The following KIF1B variants were observed in gnomAD, a reference collection of about 807,000 sequenced individuals.
The protein encoded by KIF1B is kinesin family member 1B, also known as kinesin-like protein KIF1B.
A neutral mutation model predicts 241.9 loss-of-function variants in KIF1B; 76 were observed. That is an observed-to-expected ratio of 0.31 (90% CI 0.26 to 0.38). The LOEUF is 0.38. Among genes scored for constraint, KIF1B ranks in the 10% least tolerant of loss-of-function variants. KIF1B has a pLI of 1.00. For missense variants in KIF1B, 1,622 were observed against 2,271.4 expected, an observed-to-expected ratio of 0.71 and a Z score of 5.81; for synonymous variants, 750 against 796.7, an observed-to-expected ratio of 0.94 and a Z score of 0.99.
chr1:10,303,026 TG>T lies in KIF1B; in HGVS notation c.2115+5781del. On this transcript the variant is annotated intron_variant, in intron 22 of 48. Coordinates refer to ENST00000676179, the MANE Select transcript of KIF1B (RefSeq NM_001365951.3). The surrounding 1 kb of genome is among the most constrained non-coding windows in gnomAD (Gnocchi z 5.2). ...TGAGGGGTTTTTTTTGGTTTTGTTT[TG>T]TTTTTTAGTTTTTTTGGTCTTATTT... 1 of 1,038,618 alleles carries T rather than the reference TG, an allele frequency of 9.6e-7. No individual in the cohort carries two copies. Among genetic ancestry groups the T allele is most frequent in the African/African-American group, 1.6e-5 (1 of 61,722 alleles). The allele number at this position is 1,038,618 out of a possible 1,614,324, so 64.3% of individuals were successfully genotyped here.
intron 26 of KIF1B, among the ~76,000 whole-genome samples, chr1:10,325,279 T>A (rs899704000): frequency 1.3e-4 from 20 of 152,204 alleles, no homozygotes; most frequent in Non-Finnish European, 2.4e-4. Flanking sequence ...TTCTTTTTTT[T>A]AAAAAGCAAT....
chr1:10,304,584 T>C, intron 22 of KIF1B: 1 of 1,614,022 alleles, frequency 6.2e-7, no homozygotes, highest in Non-Finnish European at 8.5e-7. Flanking sequence ...TTGTGACACC[T>C]CCGCGGATGA....
chr1:10,357,746 C>T (rs927435059), intron 38 of KIF1B, among the ~76,000 whole-genome samples: 2 of 151,730 alleles, frequency 1.3e-5, no homozygotes, highest in African/African-American at 4.8e-5. Context: ...CAGTGGCTCA[C>T]ACCTGTAATC....
At chr1:10,251,588 G>T (rs1647449593) in intron 2 of KIF1B, among the ~76,000 whole-genome samples, 1 of 151,924 alleles carries the variant, frequency 6.6e-6, no homozygotes, top group Non-Finnish European at 1.5e-5. Context: ...TACAAAATTA[G>T]CCAGGTGTGG....
At chr1:10,224,687 G>C (rs757605936) in intron 1 of KIF1B, among the ~76,000 whole-genome samples, 2 of 152,182 alleles carry the variant, frequency 1.3e-5, no homozygotes, top group African/African-American at 2.4e-5. Context: ...GCCTCCCAAA[G>C]TGTTGGGATT....
rs184149871 is a variant in KIF1B, at chr1:10,318,831, T to A, written c.2116-1212T>A. Among the ~76,000 whole-genome samples, 337 of 152,318 alleles carry A rather than the reference T, an allele frequency of 2.2e-3. 1 individual carries two copies. Among genetic ancestry groups the A allele is most frequent in the Middle Eastern group, 6.8e-3 (2 of 294 alleles). ...TTTCTTAACCCTACTTATTTTATTT[T>A]CACTAAAATTCAAGTTTTTCAAATT... On this transcript the variant is annotated intron_variant, in intron 22 of 48. Transcript: ENST00000676179.
At chr1:10,219,329 G>A (rs1646809878) in intron 1 of KIF1B, among the ~76,000 whole-genome samples, 1 of 151,984 alleles carries the variant, frequency 6.6e-6, no homozygotes, top group Admixed American at 6.6e-5. Context: ...GCATGGTGGT[G>A]CATGCCTGTA....
chr1:10,288,989 T>A (rs1447276061), intron 15 of KIF1B, among the ~76,000 whole-genome samples: 1 of 152,224 alleles, frequency 6.6e-6, no homozygotes, highest in Non-Finnish European at 1.5e-5. Flanking sequence ...ACAGGCTTCG[T>A]TAGTAACCTG....
chr1:10,378,393 C>T lies in KIF1B; in HGVS notation c.*1806C>T, dbSNP rs1214946077. The T allele has an allele frequency of 2.8e-6, 2 of 718,026 alleles. No homozygotes were observed. The highest frequency in any genetic ancestry group is 2.0e-5 in the Admixed American group (1 of 50,026). The allele number at this position is 718,026 out of a possible 1,614,324, so 44.5% of individuals were successfully genotyped here. ...GAGAAGATAAGTCTGTCTCTTTCAG[C>T]TGCCAGTAAGTTTTCCAGGATGAGA... is the stretch of plus-strand genomic sequence containing the variant. On this transcript the variant is annotated 3_prime_UTR_variant, in exon 49 of 49. Transcript: ENST00000676179.
chr1:10,363,468 G>A (rs1267213917), intron 41 of KIF1B, 124 bp downstream of exon 41: 3 of 781,226 alleles, frequency 3.8e-6, no homozygotes, highest in Non-Finnish European at 6.8e-6. Context: ...AAGGCGGGTG[G>A]ATCACCTGAG....
At chr1:10,235,539 T>C (rs1371870607) in intron 2 of KIF1B, among the ~76,000 whole-genome samples, 1 of 152,166 alleles carries the variant, frequency 6.6e-6, no homozygotes, top group African/African-American at 2.4e-5. Flanking sequence ...GGGCATGAGC[T>C]GCTGCACCCA....
At chr1:10,347,991 T>G (rs562802230) in intron 36 of KIF1B, among the ~76,000 whole-genome samples, 164 bp downstream of exon 36, 3 of 152,152 alleles carry the variant, frequency 2.0e-5, no homozygotes, top group Admixed American at 6.5e-5. Context: ...TCTGTAGATA[T>G]TTCTTCCTCA....
At position 10,365,860 on chromosome 1, in the gene KIF1B, G is replaced by A. The variant is rs970342849; in HGVS notation, c.4752+212G>A. On this transcript the variant is annotated intron_variant, in intron 43 of 48. Coordinates refer to ENST00000676179, the MANE Select transcript of KIF1B (RefSeq NM_001365951.3). This position sits in a 1 kb window ranked among gnomAD's most constrained non-coding sequence, Gnocchi z 4.0. ...GCCTATTATCCCACCACTTTGGGAG[G>A]CTGAAGCAAAGGGATTGCTTGAGCC... is the stretch of plus-strand genomic sequence containing the variant. Among the ~76,000 whole-genome samples the A allele has an allele frequency of 6.6e-6, 1 of 152,222 alleles. No individual in the cohort carries two copies. Among genetic ancestry groups the A allele is most frequent in the Non-Finnish European group, 1.5e-5 (1 of 68,036 alleles).
intron 7 of KIF1B, among the ~76,000 whole-genome samples, chr1:10,270,081 G>A (rs1648705842): frequency 1.3e-5 from 2 of 151,964 alleles, no homozygotes; most frequent in Admixed American, 1.3e-4. Flanking sequence ...TGTTATTGAG[G>A]TATTATTGAA....
At chr1:10,338,503 G>T (rs919592532) in intron 31 of KIF1B, among the ~76,000 whole-genome samples, 3 of 152,232 alleles carry the variant, frequency 2.0e-5, no homozygotes. Context: ...GGGCAGGATA[G>T]TGTTCACCAG....
At chr1:10,325,961 T>C in intron 26 of KIF1B, 150 bp from the exon 27 acceptor site, 1 of 1,069,046 alleles carries the variant, frequency 9.4e-7, no homozygotes, top group Non-Finnish European at 1.4e-6. Flanking sequence ...CCCAAATGAT[T>C]TATGCTTATT....
At chr1:10,265,248 A>ATTTATTTT (rs1557675149) in intron 5 of KIF1B, among the ~76,000 whole-genome samples, 2 of 116,330 alleles carry the variant, frequency 1.7e-5, no homozygotes, top group Non-Finnish European at 3.6e-5. Flanking sequence ...TTATTTATTT[A>ATTTATTTT]TTTTTAGAGA....
rs752067538 is a variant in KIF1B, at chr1:10,365,062, T to A, written c.4367-38T>A. On this transcript the variant is annotated intron_variant, in intron 41 of 48. Coordinates refer to ENST00000676179, the MANE Select transcript of KIF1B (RefSeq NM_001365951.3). This position sits in a 1 kb window ranked among gnomAD's most constrained non-coding sequence, Gnocchi z 4.0. The stretch of plus-strand genomic sequence containing the variant: ...TTTGACCTAAACTTGGAATTGAATT[T>A]TTTTTCTGAAACAAAAACTTGTTTC... 2.9e-4 allele frequency: 458 copies of A among 1,604,888 alleles called. No homozygotes were observed. The highest frequency in any genetic ancestry group is 6.2e-4 in the Admixed American group (37 of 59,556).
Position 10,215,138 on chromosome 1 carries a change from TTATATATATATATATATA to T in KIF1B, c.-80+4278_-80+4295del, listed in dbSNP as rs1162229178. 1.0e-4 allele frequency among the ~76,000 whole-genome samples: 6 copies of T among 59,566 alleles called. 1 individual carries two copies. Among genetic ancestry groups the T allele is most frequent in the African/African-American group, 3.2e-4 (4 of 12,582 alleles). The allele number at this position is 59,566 out of a possible 152,430, so 39.1% of individuals were successfully genotyped here. ...TGATGGATTTAAAAATTTATATATTTTATATATATATATATATATATATATATATATATATTTTTTTTT... is the reference window on the plus strand; with the variant it reads ...TGATGGATTTAAAAATTTATATATTTTATATATATATATATATTTTTTTTT... On this transcript the variant is annotated intron_variant, in intron 1 of 48. Coordinates refer to ENST00000676179, the MANE Select transcript of KIF1B (RefSeq NM_001365951.3).
Sources: gnomAD v4.1 joint callset for allele counts (sites outside exome capture counted in the v4.1 genomes callset) on GRCh38, gnomAD v4.1.1 for gene constraint, Gnocchi (gnomAD v3.1) non-coding constraint, MANE v1.5 for transcripts, NCBI Gene and HGNC (gene_info 2026-07-23, HGNC 2026-07-21) for gene names.